The following FRYL variants were observed in gnomAD, a reference collection of about 807,000 sequenced individuals.
FRYL encodes the protein protein furry homolog-like.
In FRYL, 150 loss-of-function variants were observed where a neutral mutation model predicts 351.2. The ratio of observed to expected loss-of-function variants is 0.43; its 90% CI spans 0.37 to 0.49. The LOEUF is 0.49. FRYL is among the 20% of genes least tolerant of loss of function. The pLI is 0.00. For missense variants in FRYL, 3,036 were observed against 3,619.3 expected (o/e 0.84, Z 4.13); for synonymous variants, 1,153 against 1,257.1 (o/e 0.92, Z 1.75).
At chr4:48,693,761 T>C (rs1275793098) in intron 2 of FRYL, among the ~76,000 whole-genome samples, 2 of 152,174 alleles carry the variant, frequency 1.3e-5, no homozygotes, top group African/African-American at 4.8e-5. Context: ...TTCCAAACCA[T>C]GGCTTCAGCA....
At chr4:48,709,348 C>A (rs1231360513) in intron 2 of FRYL, among the ~76,000 whole-genome samples, 3 of 151,944 alleles carry the variant, frequency 2.0e-5, no homozygotes, top group Non-Finnish European at 2.9e-5. Context: ...ATGAGAGCCA[C>A]TAATATGATA....
At chr4:48,739,931 G>A (rs1019427711) in intron 1 of FRYL, among the ~76,000 whole-genome samples, 1 of 152,160 alleles carries the variant, frequency 6.6e-6, no homozygotes. Flanking sequence ...GCTAGAACAC[G>A]CAGCCATGTG....
chr4:48,525,851 A>G (rs1403822318), intron 53 of FRYL, among the ~76,000 whole-genome samples: 1 of 151,528 alleles, frequency 6.6e-6, no homozygotes, highest in Non-Finnish European at 1.5e-5. Flanking sequence ...GAGTTGATGA[A>G]TGTGTATGAG....
intron 10 of FRYL, 144 bp downstream of exon 10, chr4:48,606,294 T>C: frequency 2.0e-6 from 1 of 492,718 alleles, no homozygotes; most frequent in Non-Finnish European, 3.4e-6. Context: ...AAAAATTAAT[T>C]TACACTTAGA....
intron 2 of FRYL, among the ~76,000 whole-genome samples, chr4:48,704,479 A>G (rs572110095): frequency 1.2e-4 from 18 of 152,196 alleles, no homozygotes; most frequent in South Asian, 4.1e-4. Flanking sequence ...TCTTATGAGG[A>G]TAAATCTAGC....
intron 35 of FRYL, among the ~76,000 whole-genome samples, chr4:48,555,742 A>G (rs1016970276): frequency 2.0e-5 from 3 of 152,232 alleles, no homozygotes; most frequent in Non-Finnish European, 4.4e-5. Flanking sequence ...ATACACCTAC[A>G]GTTCTCTAAG....
intron 3 of FRYL, among the ~76,000 whole-genome samples, chr4:48,663,679 G>A (rs1761214320): frequency 6.7e-6 from 1 of 150,080 alleles, no homozygotes; most frequent in African/African-American, 2.4e-5. Context: ...GGAGGCTGAG[G>A]CAGGAGAATG....
intron 41 of FRYL, chr4:48,546,869 G>A (rs1731474638): frequency 6.6e-6 from 1 of 152,358 alleles, no homozygotes; most frequent in South Asian, 2.1e-4. Flanking sequence ...GTTTTAAAAG[G>A]CTAATAAGTT....
chr4:48,570,715 AGGTTTTC>A (rs1028499867), intron 27 of FRYL, 105 bp downstream of exon 27: 2 of 709,596 alleles, frequency 2.8e-6, no homozygotes, highest in African/African-American at 3.6e-5. Context: ...TGATACATAC[AGGTTTTC>A]TTGTTGCAAT....
chr4:48,628,600 T>A (rs1752349483), intron 4 of FRYL, among the ~76,000 whole-genome samples: 1 of 152,046 alleles, frequency 6.6e-6, no homozygotes, highest in South Asian at 2.1e-4. Flanking sequence ...TAATTTCTAG[T>A]GTTCTATACC....
At chr4:48,665,301 T>C (rs1416544186) in intron 3 of FRYL, among the ~76,000 whole-genome samples, 1 of 152,206 alleles carries the variant, frequency 6.6e-6, no homozygotes, top group Non-Finnish European at 1.5e-5. Context: ...TCACACACCA[T>C]ACCAATTTCC....
intron 1 of FRYL, among the ~76,000 whole-genome samples, chr4:48,765,092 C>T (rs1165110980): frequency 6.6e-6 from 1 of 152,174 alleles, no homozygotes; most frequent in Non-Finnish European, 1.5e-5. Flanking sequence ...ATCCCCCCAC[C>T]TCGGCCTCCC....
In FRYL at chr4:48,500,167, A is replaced by G. The variant is rs576992241; in HGVS notation, c.8646T>C (p.Ala2882=). The change falls in exon 63 of 64, where the codon GCT becomes GCC. Residue 2882 remains alanine (A), a synonymous_variant. Coordinates refer to ENST00000358350, the MANE Select transcript of FRYL (RefSeq NM_015030.2). The stretch of plus-strand genomic sequence containing the variant: ...TTTCTTCGTTTTCGGAAGCGGACTC[A>G]GCTTCTTTGAGGATACTTTCCAGTT... The part of the protein sequence containing the change: ...LAQLESILKE[A]ESASENEEID... 70 of 1,604,956 alleles carry G rather than the reference A, an allele frequency of 4.4e-5. No individual in the cohort carries two copies. The South Asian group carries it at 7.4e-4, about 17-fold the overall frequency.
At position 48,588,051 on chromosome 4, in the gene FRYL, A is replaced by G. The variant is rs185045164; in HGVS notation, c.1641-1323T>C. 6.6e-5 allele frequency among the ~76,000 whole-genome samples: 10 copies of G among 152,336 alleles called. No individual in the cohort carries two copies. In the East Asian group the frequency reaches 1.2e-3, roughly 18 times the overall value. On this transcript the variant is annotated intron_variant, in intron 18 of 63. Coordinates refer to ENST00000358350, the MANE Select transcript of FRYL (RefSeq NM_015030.2). ...TTTGCTTTCGCTCTTTGGTCCATAA[A>G]GCACCATGCACATCATAATCACTGT...
chr4:48,565,822 C>G, intron 28 of FRYL, 131 bp from the exon 29 acceptor site: 1 of 860,660 alleles, frequency 1.2e-6, no homozygotes, highest in Non-Finnish European at 1.8e-6. Context: ...TATCAAAAAC[C>G]TCCGCGGTAG....
At chr4:48,748,106 T>G (rs1241797544) in intron 1 of FRYL, among the ~76,000 whole-genome samples, 6 of 151,732 alleles carry the variant, frequency 4.0e-5, no homozygotes, top group Non-Finnish European at 8.8e-5. Context: ...ATTAGCTGGG[T>G]GTGGTGGTGT....
In FRYL at chr4:48,549,747, CA is replaced by C. The variant is rs1732253677; in HGVS notation, c.4634-125del. On this transcript the variant is annotated intron_variant, in intron 38 of 63. Transcript: ENST00000358350. This position sits in a 1 kb window ranked among gnomAD's most constrained non-coding sequence, Gnocchi z 4.2. Reference sequence around the variant, plus strand: ...TGATAAAAAAAATTTCCCACTATTTCAACATGTTTGCTAGGAAAATCTAGGC... The same window carrying C: ...TGATAAAAAAAATTTCCCACTATTTCACATGTTTGCTAGGAAAATCTAGGC... The C allele has an allele frequency of 4.1e-6, 3 of 727,694 alleles. No homozygotes were observed. Among genetic ancestry groups the C allele is most frequent in the Non-Finnish European group, 6.4e-6 (3 of 466,604 alleles). 45.1% of individuals were successfully genotyped at this position (727,694 alleles called of 1,614,324 possible).
Position 48,505,532 on chromosome 4 carries a change from G to T in FRYL, c.8463+15C>A. ...CAGAAAATGTATGTTGCAAAAACAG[G>T]AACAAGAAACTTACTTGTGCATCTG... On this transcript the variant is annotated intron_variant, in intron 60 of 63. Coordinates refer to ENST00000358350, the MANE Select transcript of FRYL (RefSeq NM_015030.2). 1.3e-6 allele frequency: 2 copies of T among 1,549,840 alleles called. No individual in the cohort carries two copies. Among genetic ancestry groups the T allele is most frequent in the Non-Finnish European group, 1.8e-6 (2 of 1,125,606 alleles).
At chr4:48,507,268 T>TGAGA (rs1222460586) in intron 59 of FRYL, among the ~76,000 whole-genome samples, 2 of 152,282 alleles carry the variant, frequency 1.3e-5, no homozygotes, top group Middle Eastern at 3.4e-3. Flanking sequence ...CACACTGGCC[T>TGAGA]GAGAGATACA....
Sources: allele counts gnomAD v4.1 joint callset (sites outside exome capture counted in the v4.1 genomes callset), GRCh38; gene constraint gnomAD v4.1.1; non-coding constraint Gnocchi (gnomAD v3.1); transcripts MANE v1.5; gene names NCBI Gene and HGNC (gene_info 2026-07-23, HGNC 2026-07-21).